ITGA9: variants seen among roughly 807,000 people sequenced by gnomAD.
ITGA9 encodes the protein integrin subunit alpha 9, also known as integrin alpha-9.
Under a neutral mutation model 127.8 loss-of-function variants are expected in ITGA9, and 56 were observed. The ratio of observed to expected loss-of-function variants is 0.44; its 90% CI spans 0.35 to 0.55. The LOEUF (loss-of-function observed/expected upper bound fraction) is 0.55. Among genes scored for constraint, ITGA9 ranks in the 20% least tolerant of loss-of-function variants. The pLI is 0.00. For synonymous variants in ITGA9, 508 were observed against 514.5 expected, an observed-to-expected ratio of 0.99 and a Z score of 0.17; for missense variants, 1,196 against 1,347.1, an observed-to-expected ratio of 0.89 and a Z score of 1.76.
intron 27 of ITGA9, chr3:37,818,438 T>G (rs57357209): frequency 0.038 from 6,569 of 175,018 alleles, 335 homozygotes; most frequent in East Asian, 0.19. Flanking sequence ...AATTTTTGTA[T>G]TTTTAGTAGA....
chr3:37,763,354 T>A (rs1696744198), intron 23 of ITGA9, among the ~76,000 whole-genome samples: 1 of 152,216 alleles, frequency 6.6e-6, no homozygotes, highest in Admixed American at 6.5e-5. Flanking sequence ...AGAATTTCTT[T>A]GCCCATGGAG....
chr3:37,729,592 G>GTTGT (rs1696260988), intron 18 of ITGA9, among the ~76,000 whole-genome samples: 4 of 151,976 alleles, frequency 2.6e-5, no homozygotes, highest in Non-Finnish European at 5.9e-5. Context: ...TTAGGTCAAA[G>GTTGT]CTAATTAAAC....
intron 18 of ITGA9, among the ~76,000 whole-genome samples, chr3:37,704,183 G>A (rs184799557): frequency 6.6e-6 from 1 of 152,294 alleles, no homozygotes; most frequent in African/African-American, 2.4e-5. Context: ...TGTGGAGGGG[G>A]GCAATGGGCA....
At chr3:37,577,777 C>T (rs571808994) in intron 15 of ITGA9, among the ~76,000 whole-genome samples, 8 of 152,166 alleles carry the variant, frequency 5.3e-5, no homozygotes, top group Non-Finnish European at 7.3e-5. Context: ...TGGCTAAGTG[C>T]GCAGAACATG....
intron 16 of ITGA9, among the ~76,000 whole-genome samples, chr3:37,652,448 C>T (rs1319061211): frequency 6.6e-6 from 1 of 152,134 alleles, no homozygotes; most frequent in African/African-American, 2.4e-5. Context: ...CCTCTTTTTT[C>T]CCAAGACTTC....
chr3:37,473,206 A>G, intron 2 of ITGA9, 148 bp from the exon 3 acceptor site: 2 of 497,080 alleles, frequency 4.0e-6, no homozygotes, highest in Middle Eastern at 3.2e-4. Context: ...AGTTGTCTGG[A>G]TTAAACAGTA....
intron 16 of ITGA9, among the ~76,000 whole-genome samples, chr3:37,646,928 C>T (rs1037747605): frequency 1.3e-5 from 2 of 151,966 alleles, no homozygotes; most frequent in African/African-American, 4.8e-5. Flanking sequence ...GTTTTTGAAA[C>T]TGCATTGTCA....
chr3:37,482,719 G>A (rs938838777), intron 4 of ITGA9, among the ~76,000 whole-genome samples: 2 of 152,096 alleles, frequency 1.3e-5, no homozygotes, highest in Admixed American at 6.5e-5. Flanking sequence ...TCTGGGAAAC[G>A]TCCCCCACAG....
chr3:37,468,329 G>A (rs1264334096), intron 1 of ITGA9, among the ~76,000 whole-genome samples: 3 of 152,100 alleles, frequency 2.0e-5, no homozygotes, highest in Admixed American at 2.0e-4. Flanking sequence ...ACTCCAGTGA[G>A]GGGTGGGTCT....
chr3:37,797,705 G>A (rs753855271), intron 26 of ITGA9, among the ~76,000 whole-genome samples: 2 of 152,090 alleles, frequency 1.3e-5, no homozygotes, highest in Non-Finnish European at 2.9e-5. Context: ...AGTCTTCTAC[G>A]TATTAGATAA....
At position 37,711,585 on chromosome 3, in the gene ITGA9, G is replaced by A. The variant is rs549447311; in HGVS notation, c.2068-21127G>A. ...CGTCCTGCTCATTTTTTAATTTTTC[G>A]TAGAGATGGTGTCTTGCTGTGTTGC... On this transcript the variant is annotated intron_variant, in intron 18 of 27. Coordinates refer to ENST00000264741, the MANE Select transcript of ITGA9 (RefSeq NM_002207.3). Among the ~76,000 whole-genome samples the A allele has an allele frequency of 1.7e-4, 26 of 152,066 alleles. 1 individual carries two copies. The South Asian group carries it at 4.4e-3, about 26-fold the overall frequency.
At chr3:37,680,540 G>T (rs1700725761) in intron 17 of ITGA9, among the ~76,000 whole-genome samples, 1 of 152,112 alleles carries the variant, frequency 6.6e-6, no homozygotes, top group Non-Finnish European at 1.5e-5. Context: ...GATGTCCCTG[G>T]CCTGATCCCT....
intron 17 of ITGA9, among the ~76,000 whole-genome samples, chr3:37,663,549 A>G (rs536707471): frequency 6.6e-6 from 1 of 152,356 alleles, no homozygotes; most frequent in African/African-American, 2.4e-5. Flanking sequence ...AGCTCCATCC[A>G]TGAAAACCAG....
At chr3:37,642,268 C>T (rs1008289330) in intron 16 of ITGA9, among the ~76,000 whole-genome samples, 6 of 152,156 alleles carry the variant, frequency 3.9e-5, no homozygotes, top group Non-Finnish European at 8.8e-5. Context: ...TTGATTCCTT[C>T]GTGACATCTA....
chr3:37,527,521 A>G (rs566064710), intron 13 of ITGA9, among the ~76,000 whole-genome samples: 2 of 152,336 alleles, frequency 1.3e-5, no homozygotes, highest in South Asian at 4.1e-4. Flanking sequence ...TGACTTCACT[A>G]AGATAAGGCC....
chr3:37,788,870 G>T (rs1396115488), intron 26 of ITGA9, among the ~76,000 whole-genome samples: 1 of 151,360 alleles, frequency 6.6e-6, no homozygotes, highest in African/African-American at 2.4e-5. Context: ...TTACTTTTTG[G>T]AAAGTTTCTA....
chr3:37,577,053 G>A (rs1236099354), intron 15 of ITGA9, among the ~76,000 whole-genome samples: 2 of 152,228 alleles, frequency 1.3e-5, no homozygotes, highest in Non-Finnish European at 2.9e-5. Flanking sequence ...CCATCCTTGG[G>A]GTCGTCCAGT....
At chr3:37,458,196 T>C (rs1210801181) in intron 1 of ITGA9, among the ~76,000 whole-genome samples, 1 of 152,138 alleles carries the variant, frequency 6.6e-6, no homozygotes, top group East Asian at 1.9e-4. Flanking sequence ...TGGTTTCCAG[T>C]TTGCTATTTG....
At chr3:37,756,860 G>A (rs1696658120) in intron 23 of ITGA9, among the ~76,000 whole-genome samples, 3 of 152,172 alleles carry the variant, frequency 2.0e-5, no homozygotes, top group African/African-American at 2.4e-5. Flanking sequence ...AAAAGGTTAG[G>A]CAAACAACCA....
Sources: gnomAD v4.1 joint callset for allele counts (sites outside exome capture counted in the v4.1 genomes callset) on GRCh38, gnomAD v4.1.1 for gene constraint, MANE v1.5 for transcripts, NCBI Gene and HGNC (gene_info 2026-07-23, HGNC 2026-07-21) for gene names.